The following VWA3A variants were observed in gnomAD, a reference collection of about 807,000 sequenced individuals.
VWA3A encodes von Willebrand factor A domain-containing protein 3A.
A neutral mutation model predicts 160.4 loss-of-function variants in VWA3A; 134 were observed. The observed-to-expected ratio is 0.84, with a 90% CI of 0.73 to 0.96. The LOEUF is 0.96. Ranked by LOEUF, VWA3A falls within the 40% of genes least tolerant of loss-of-function variation. VWA3A has a pLI of 0.00. For missense variants in VWA3A, 1,310 were observed against 1,447.9 expected, an observed-to-expected ratio of 0.90 and a Z score of 1.55; for synonymous variants, 476 against 543.4, an observed-to-expected ratio of 0.88 and a Z score of 1.72.
At chr16:22,142,977 C>A (rs1598100512) in intron 25 of VWA3A, among the ~76,000 whole-genome samples, 1 of 152,080 alleles carries the variant, frequency 6.6e-6, no homozygotes, top group East Asian at 1.9e-4. Context: ...TGGTGAAACC[C>A]CATCTCTACT....
chr16:22,132,843 C>T lies in VWA3A; in HGVS notation c.1873-57C>T. The stretch of plus-strand genomic sequence containing the variant: ...CATGGCCAGGCTGGGCTGCCCAGAG[C>T]CCCACAGCTTCAAGGCCCTCAGCTG... On this transcript the variant is annotated intron_variant, in intron 19 of 33. Coordinates refer to ENST00000389398, the MANE Select transcript of VWA3A (RefSeq NM_173615.5). 2.6e-6 allele frequency: 4 copies of T among 1,550,838 alleles called. No individual in the cohort carries two copies. In the South Asian group the frequency reaches 4.7e-5, roughly 18 times the overall value.
At chr16:22,140,053 C>A in intron 22 of VWA3A, 101 bp from the exon 23 acceptor site, 2 of 1,170,100 alleles carry the variant, frequency 1.7e-6, no homozygotes, top group Non-Finnish European at 1.2e-6. Context: ...TTAGGCTCCT[C>A]CCTACAAAAG....
At chr16:22,116,619 T>A (rs1023319961) in intron 9 of VWA3A, 140 bp from the exon 10 acceptor site, 2 of 692,780 alleles carry the variant, frequency 2.9e-6, no homozygotes, top group East Asian at 5.4e-5. Flanking sequence ...CACCTAGCCC[T>A]GCATGCCACA....
intron 24 of VWA3A, among the ~76,000 whole-genome samples, chr16:22,142,467 G>A (rs542943314): frequency 3.3e-5 from 5 of 151,932 alleles, no homozygotes; most frequent in Non-Finnish European, 5.9e-5. Context: ...GCCAGCCCTT[G>A]CGGCAAGTAA....
At chr16:22,112,290 T>C (rs903832899) in intron 8 of VWA3A, among the ~76,000 whole-genome samples, 3 of 152,186 alleles carry the variant, frequency 2.0e-5, no homozygotes, top group Non-Finnish European at 4.4e-5. Flanking sequence ...GCATAGATGA[T>C]TGTATTTAGT....
At chr16:22,101,657 T>C (rs531895436) in intron 5 of VWA3A, among the ~76,000 whole-genome samples, 7 of 152,340 alleles carry the variant, frequency 4.6e-5, no homozygotes, top group Non-Finnish European at 1.0e-4. Flanking sequence ...CTCAAGCCAG[T>C]TAACCAAAAG....
At chr16:22,136,623 G>A (rs1412513853) in intron 21 of VWA3A, among the ~76,000 whole-genome samples, 1 of 151,976 alleles carries the variant, frequency 6.6e-6, no homozygotes, top group Non-Finnish European at 1.5e-5. Context: ...CTCCTGGGAG[G>A]GCAGGGCCAC....
chr16:22,126,631 A>G (rs1004069221), intron 17 of VWA3A, among the ~76,000 whole-genome samples: 2 of 152,174 alleles, frequency 1.3e-5, no homozygotes, highest in African/African-American at 2.4e-5. Flanking sequence ...GCCATGCCCT[A>G]GTGTCAGTCC....
At chr16:22,140,073 GA>G in intron 22 of VWA3A, 80 bp from the exon 23 acceptor site, 1 of 1,415,792 alleles carries the variant, frequency 7.1e-7, no homozygotes, top group Non-Finnish European at 9.8e-7. Context: ...GTTCCTGATT[GA>G]CAAATTGAGG....
At chr16:22,133,166 G>C in intron 20 of VWA3A, 71 bp downstream of exon 20, 2 of 1,468,124 alleles carry the variant, frequency 1.4e-6, no homozygotes, top group Non-Finnish European at 1.8e-6. Context: ...AGCTCCCTTA[G>C]ACCACAGATG....
chr16:22,116,562 C>T (rs533153772), intron 9 of VWA3A, among the ~76,000 whole-genome samples, 197 bp from the exon 10 acceptor site: 1 of 152,282 alleles, frequency 6.6e-6, no homozygotes, highest in Non-Finnish European at 1.5e-5. Context: ...AGTCACAGGC[C>T]ACCCACCCAT....
At chr16:22,112,829 C>T (rs558379134) in intron 8 of VWA3A, among the ~76,000 whole-genome samples, 3 of 152,364 alleles carry the variant, frequency 2.0e-5, no homozygotes, top group East Asian at 1.9e-4. Context: ...GAGAAATGCC[C>T]ACTTCTGGCA....
intron 19 of VWA3A, 143 bp from the exon 20 acceptor site, chr16:22,132,757 C>T: frequency 1.3e-6 from 1 of 762,664 alleles, no homozygotes; most frequent in Non-Finnish European, 2.0e-6. Context: ...GCAACCCAGC[C>T]TCATCTCTTT....
intron 30 of VWA3A, among the ~76,000 whole-genome samples, chr16:22,151,387 T>A (rs1189133727): frequency 1.3e-5 from 2 of 152,240 alleles, no homozygotes; most frequent in Non-Finnish European, 2.9e-5. Context: ...TACCCAGATA[T>A]TTCCCTCTGA....
In VWA3A at chr16:22,133,077, C is replaced by T; in HGVS notation, c.2050C>T (p.His684Tyr). ...CACCCGGGCTGCAGGTGGCCGCTTC[C>T]ACTGGTTTGGAGACACAGGTACATG... ...EVTRAAGGRF[H>Y]WFGDTGIYES... Residue 684 changes from histidine to tyrosine, a missense_variant, in exon 20 of 34, where the codon CAC becomes TAC. His to Tyr is a moderately conservative substitution (Grantham distance 83, BLOSUM62 2). Transcript: ENST00000389398. 2 of 1,612,976 alleles carry T rather than the reference C, an allele frequency of 1.2e-6. No homozygotes were observed. The highest frequency in any genetic ancestry group is 1.7e-6 in the Non-Finnish European group (2 of 1,179,506).
chr16:22,155,915 A>C lies in VWA3A; in HGVS notation c.*13A>C. 6.2e-7 allele frequency: 1 copy of C among 1,613,934 alleles called. No individual in the cohort carries two copies. Among genetic ancestry groups the C allele is most frequent in the Non-Finnish European group, 8.5e-7 (1 of 1,179,878 alleles). The stretch of plus-strand genomic sequence containing the variant: ...CACTCTTTCCTAGAGAAGTGTTCTC[A>C]GGTAAGGGGAGGGGCTAGACCCCAT... On this transcript the variant is annotated splice_region_variant and 3_prime_UTR_variant, in exon 33 of 34. Coordinates refer to ENST00000389398, the MANE Select transcript of VWA3A (RefSeq NM_173615.5).
At chr16:22,136,895 G>GCACACACACACACACACACACACGCA (rs2046053399) in intron 21 of VWA3A, among the ~76,000 whole-genome samples, 2 of 142,594 alleles carry the variant, frequency 1.4e-5, no homozygotes, top group African/African-American at 5.2e-5. Flanking sequence ...ACACACACAC[G>GCACACACACACACACACACACACGCA]CACACACACA....
At chr16:22,119,150 A>C in intron 12 of VWA3A, 123 bp downstream of exon 12, 3 of 1,132,064 alleles carry the variant, frequency 2.7e-6, no homozygotes, top group Admixed American at 3.4e-5. Context: ...TAAAATCGAA[A>C]CAAGGCAAGG....
chr16:22,141,684 A>G lies in VWA3A; in HGVS notation c.2486A>G (p.Asn829Ser). 1 of 1,608,682 alleles carries G rather than the reference A, an allele frequency of 6.2e-7. No individual in the cohort carries two copies. Among genetic ancestry groups the G allele is most frequent in the Non-Finnish European group, 8.5e-7 (1 of 1,177,612 alleles). Reference sequence around the variant, plus strand: ...TTACTGTTCTACACAGAGAAAGGGAATGACGTGGGTAAGTTAGAGGCTATA... The same window carrying G: ...TTACTGTTCTACACAGAGAAAGGGAGTGACGTGGGTAAGTTAGAGGCTATA... ...SLLLFYTEKG[N>S]DVGSVYKKYP... Residue 829 changes from asparagine (N) to serine (S), a missense_variant, in exon 24 of 34, where the codon AAT (asparagine) becomes AGT (serine). Transcript: ENST00000389398.
Sources: allele counts gnomAD v4.1 joint callset (sites outside exome capture counted in the v4.1 genomes callset), GRCh38; gene constraint gnomAD v4.1.1; transcripts MANE v1.5; gene names NCBI Gene and HGNC (gene_info 2026-07-23, HGNC 2026-07-21).